TNKS: variants seen among roughly 807,000 people sequenced by gnomAD.
The protein encoded by TNKS is tankyrase.
In TNKS, 72 loss-of-function variants were observed where a neutral mutation model predicts 135.8. That is an observed-to-expected ratio of 0.53 (90% CI 0.44 to 0.64). The LOEUF (loss-of-function observed/expected upper bound fraction) is 0.64, where lower values mean the gene tolerates loss of function less well. TNKS is among the 30% of genes least tolerant of loss of function. The probability of loss-of-function intolerance (pLI) is 0.00; values close to 1 mark genes in which losing one functional copy is unlikely to be tolerated. For missense variants in TNKS, 1,769 were observed against 1,674.0 expected (o/e 1.06, Z -0.99); for synonymous variants, 849 against 649.3 (o/e 1.31, Z -4.68).
intron 1 of TNKS, among the ~76,000 whole-genome samples, chr8:9,572,640 C>T (rs1199275408): frequency 2.0e-5 from 3 of 152,240 alleles, no homozygotes; most frequent in African/African-American, 4.8e-5. Flanking sequence ...TAGACCTGTA[C>T]GAGAAAGCGA....
chr8:9,692,056 C>T (rs1803300471), intron 5 of TNKS, among the ~76,000 whole-genome samples: 10 of 151,980 alleles, frequency 6.6e-5, no homozygotes, highest in Admixed American at 6.6e-4. Flanking sequence ...CTTGTTGTCC[C>T]CCCTACTTTT....
intron 2 of TNKS, among the ~76,000 whole-genome samples, chr8:9,588,132 C>G (rs892788669): frequency 6.6e-6 from 1 of 152,084 alleles, no homozygotes; most frequent in Non-Finnish European, 1.5e-5. Context: ...TACTAAGAAA[C>G]TTAAAAAAAA....
intron 1 of TNKS, chr8:9,557,397 T>TC (rs1193082190): frequency 1.1e-4 from 15 of 137,704 alleles, no homozygotes; most frequent in African/African-American, 4.1e-4. Flanking sequence ...CCCACACTTG[T>TC]CTTTTTTTTT....
intron 3 of TNKS, 33 bp from the exon 4 acceptor site, chr8:9,679,918 A>C (rs1481022849): frequency 1.9e-6 from 3 of 1,592,822 alleles, no homozygotes. Flanking sequence ...CTTCTGCCAA[A>C]TGCTAACAGC....
intron 20 of TNKS, among the ~76,000 whole-genome samples, chr8:9,753,111 C>A (rs2128829162): frequency 6.6e-6 from 1 of 152,212 alleles, no homozygotes; most frequent in East Asian, 1.9e-4. Context: ...AATTGTCTAA[C>A]AAATGAGTCT....
chr8:9,695,107 T>A (rs2128803312), intron 5 of TNKS, among the ~76,000 whole-genome samples: 1 of 152,280 alleles, frequency 6.6e-6, no homozygotes, highest in East Asian at 1.9e-4. Flanking sequence ...TGATAATACA[T>A]CTAGACATAC....
chr8:9,634,595 A>G (rs1800433079), intron 3 of TNKS, among the ~76,000 whole-genome samples: 1 of 152,202 alleles, frequency 6.6e-6, no homozygotes, highest in African/African-American at 2.4e-5. Flanking sequence ...TTACTGTAGA[A>G]GAAGAAGATA....
chr8:9,685,383 A>G (rs1431481287), intron 5 of TNKS, among the ~76,000 whole-genome samples: 1 of 152,200 alleles, frequency 6.6e-6, no homozygotes, highest in Admixed American at 6.5e-5. Flanking sequence ...AAGGCATTTG[A>G]GAGGATTAAG....
intron 3 of TNKS, among the ~76,000 whole-genome samples, chr8:9,637,277 A>G (rs1800548557): frequency 6.6e-6 from 1 of 152,140 alleles, no homozygotes; most frequent in Non-Finnish European, 1.5e-5. Flanking sequence ...GCCTGTGAGT[A>G]TCATGTTGTT....
chr8:9,732,489 G>T (rs1013090253), intron 14 of TNKS, among the ~76,000 whole-genome samples: 1 of 151,030 alleles, frequency 6.6e-6, no homozygotes, highest in East Asian at 2.0e-4. Context: ...CATCAGACAT[G>T]AATATTTCAA....
chr8:9,607,105 A>G (rs920299412), intron 2 of TNKS, among the ~76,000 whole-genome samples: 1 of 152,196 alleles, frequency 6.6e-6, no homozygotes, highest in Non-Finnish European at 1.5e-5. Context: ...GGGGTCATGC[A>G]TATTGTATTA....
chr8:9,696,755 G>C (rs1291883646), intron 5 of TNKS, among the ~76,000 whole-genome samples: 1 of 152,040 alleles, frequency 6.6e-6, no homozygotes, highest in Non-Finnish European at 1.5e-5. Context: ...AGAGATGAAA[G>C]ATCTCTACAA....
At chr8:9,671,089 G>T (rs576160295) in intron 3 of TNKS, 2 of 152,212 alleles carry the variant, frequency 1.3e-5, no homozygotes, top group Middle Eastern at 3.4e-3. Context: ...TTGTGGCAGT[G>T]CCATCATAGT....
intron 3 of TNKS, among the ~76,000 whole-genome samples, chr8:9,656,216 C>CTTGGAA: frequency 6.6e-6 from 1 of 152,270 alleles, no homozygotes; most frequent in South Asian, 2.1e-4. Flanking sequence ...ACGAACAAAG[C>CTTGGAA]CTCCAAGAAA....
At chr8:9,770,735 C>G (rs1180989590) in intron 26 of TNKS, among the ~76,000 whole-genome samples, 1 of 152,144 alleles carries the variant, frequency 6.6e-6, no homozygotes, top group Non-Finnish European at 1.5e-5. Context: ...ATATATATAA[C>G]CTATGAAAAC....
chr8:9,745,602 G>T (rs955840084), intron 17 of TNKS, among the ~76,000 whole-genome samples: 4 of 151,862 alleles, frequency 2.6e-5, no homozygotes, highest in Non-Finnish European at 4.4e-5. Context: ...ATGGGGTTTC[G>T]CCATGTTGGC....
At chr8:9,758,289 G>A (rs995179612) in intron 20 of TNKS, among the ~76,000 whole-genome samples, 1 of 152,162 alleles carries the variant, frequency 6.6e-6, no homozygotes, top group Non-Finnish European at 1.5e-5. Flanking sequence ...TTTATATTCA[G>A]TTGCAAGTAT....
intron 12 of TNKS, among the ~76,000 whole-genome samples, chr8:9,722,068 AAGAAAAG>A (rs1200356944): frequency 4.1e-5 from 6 of 145,312 alleles, no homozygotes; most frequent in Admixed American, 6.9e-5. Flanking sequence ...ACAAAAAAAA[AAGAAAAG>A]AAAAGAAAAA....
Position 9,777,494 on chromosome 8 carries a change from T to G in TNKS, c.*758T>G, listed in dbSNP as rs1293402213. The G allele has an allele frequency of 1.6e-4, 25 of 152,220 alleles. No homozygotes were observed. The allele number at this position is 152,220 out of a possible 1,614,324, so 9.4% of individuals were successfully genotyped here. On this transcript the variant is annotated 3_prime_UTR_variant, in exon 27 of 27. Transcript: ENST00000310430. ...TTAGGAACGCCTAAATTCAGAGAAG[T>G]CAAAGCCGGTGAAGGCCACTTGCTC...
Sources: gnomAD v4.1 joint callset for allele counts (sites outside exome capture counted in the v4.1 genomes callset) on GRCh38, gnomAD v4.1.1 for gene constraint, MANE v1.5 for transcripts, NCBI Gene and HGNC (gene_info 2026-07-23, HGNC 2026-07-21) for gene names.